Variants in NTHL1 observed in about 807,000 individuals in gnomAD.
NTHL1 encodes the protein endonuclease III-like protein 1.
Under a neutral mutation model 32.3 loss-of-function variants are expected in NTHL1, and 32 were observed. The ratio of observed to expected loss-of-function variants is 0.99; its 90% confidence interval spans 0.75 to 1.33. The LOEUF (loss-of-function observed/expected upper bound fraction) is 1.33. Among genes scored for constraint, NTHL1 ranks in the 40% most tolerant of loss-of-function variants. The pLI is 0.00. For missense variants in NTHL1, 501 were observed against 414.1 expected (o/e 1.21, Z -1.82); for synonymous variants, 188 against 176.9 (o/e 1.06, Z -0.50).
At position 2,043,893 on chromosome 16, in the gene NTHL1, G is replaced by A. The variant is rs2084304435; in HGVS notation, c.526-167C>T. The A allele has an allele frequency of 2.6e-6, 2 of 758,396 alleles. No homozygotes were observed. The highest frequency in any genetic ancestry group is 4.4e-5 in the Admixed American group (2 of 45,354). 47.0% of individuals were successfully genotyped at this position (758,396 alleles called of 1,614,324 possible). Reference sequence around the variant, plus strand: ...AGGCGGGAACAAGCGGAGGGCAGCAGGGAGGCCCAAGGTAGGCCTGACCCC... The same window carrying A: ...AGGCGGGAACAAGCGGAGGGCAGCAAGGAGGCCCAAGGTAGGCCTGACCCC... On this transcript the variant is annotated intron_variant, in intron 3 of 5. Coordinates refer to ENST00000651570, the MANE Select transcript of NTHL1 (RefSeq NM_002528.7). This position sits in a 1 kb window ranked among gnomAD's most constrained non-coding sequence, Gnocchi z 4.4.
At chr16:2,040,827 G>A (rs1422356421) in intron 4 of NTHL1, among the ~76,000 whole-genome samples, 2 of 152,182 alleles carry the variant, frequency 1.3e-5, no homozygotes, top group East Asian at 1.9e-4. Flanking sequence ...GTGGCCTGAG[G>A]CTCCTCTCGG....
In NTHL1 at chr16:2,044,939, G is replaced by C; in HGVS notation, c.355-139C>G. The C allele has an allele frequency of 1.0e-6, 1 of 965,928 alleles. No individual in the cohort carries two copies. The highest frequency in any genetic ancestry group is 1.6e-5 in the African/African-American group (1 of 60,914). The allele number at this position is 965,928 out of a possible 1,614,324, so 59.8% of individuals were successfully genotyped here. A position where few individuals can be genotyped will look rare whatever the true frequency, so the allele number is the denominator to read the frequency against. On this transcript the variant is annotated intron_variant, in intron 2 of 5. Coordinates refer to ENST00000651570, the MANE Select transcript of NTHL1 (RefSeq NM_002528.7). The surrounding 1 kb of genome is among the most constrained non-coding windows in gnomAD (Gnocchi z 5.0). The stretch of plus-strand genomic sequence containing the variant: ...GGCATCAGCCTCCCCCTGTGGGGTG[G>C]GGAGGTCTGGTTTGGGTATGTTTGG...
intron 4 of NTHL1, among the ~76,000 whole-genome samples, chr16:2,041,481 C>A (rs2084267963): frequency 6.6e-6 from 1 of 152,114 alleles, no homozygotes; most frequent in South Asian, 2.1e-4. Context: ...GCTCTGTCAC[C>A]CAGGCTGGAT....
chr16:2,047,395 G>T (rs913166417), intron 1 of NTHL1: 4 of 439,220 alleles, frequency 9.1e-6, no homozygotes, highest in African/African-American at 8.4e-5. Context: ...CAAGTTCACT[G>T]CAGGAGGGCG....
At chr16:2,040,270 C>T in intron 4 of NTHL1, 32 bp from the exon 5 acceptor site, 2 of 1,591,158 alleles carry the variant, frequency 1.3e-6, no homozygotes, top group Non-Finnish European at 1.7e-6. Context: ...TGAACAGGGG[C>T]ACACTCCACC....
chr16:2,044,495 G>A lies in NTHL1; in HGVS notation c.525+135C>T. On this transcript the variant is annotated intron_variant, in intron 3 of 5. Coordinates refer to ENST00000651570, the MANE Select transcript of NTHL1 (RefSeq NM_002528.7). The surrounding 1 kb of genome is among the most constrained non-coding windows in gnomAD (Gnocchi z 5.0). ...CAGGCCTCAGGGCCCCACGGCCTGG[G>A]GGGGGCTTCAGGGGGACCCCCCGAG... is the stretch of plus-strand genomic sequence containing the variant. 18 of 1,148,378 alleles carry A rather than the reference G, an allele frequency of 1.6e-5. No individual in the cohort carries two copies. Among genetic ancestry groups the A allele is most frequent in the East Asian group, 2.4e-5 (1 of 40,938 alleles). The allele number at this position is 1,148,378 out of a possible 1,614,324, so 71.1% of individuals were successfully genotyped here.
Position 2,043,288 on chromosome 16 carries a change from T to C in NTHL1, c.685+279A>G, listed in dbSNP as rs1176262415. Among the ~76,000 whole-genome samples, 1 of 151,812 alleles carries C rather than the reference T, an allele frequency of 6.6e-6. No homozygotes were observed. Among genetic ancestry groups the C allele is most frequent in the Non-Finnish European group, 1.5e-5 (1 of 67,974 alleles). ...GGTTTCCACTCCACGAGTGGGGAAT[T>C]CCTCGCTCCACATTTCTCCCGAATA... On this transcript the variant is annotated intron_variant, in intron 4 of 5. Coordinates refer to ENST00000651570, the MANE Select transcript of NTHL1 (RefSeq NM_002528.7). This position sits in a 1 kb window ranked among gnomAD's most constrained non-coding sequence, Gnocchi z 4.4.
chr16:2,043,049 G>A lies in NTHL1; in HGVS notation c.685+518C>T, dbSNP rs1355393707. Among the ~76,000 whole-genome samples the A allele has an allele frequency of 7.2e-6, 1 of 138,812 alleles. No homozygotes were observed. The highest frequency in any genetic ancestry group is 1.5e-5 in the Non-Finnish European group (1 of 65,020). The allele number at this position is 138,812 out of a possible 152,430, so 91.1% of individuals were successfully genotyped here. A position where few individuals can be genotyped will look rare whatever the true frequency, so the allele number is the denominator to read the frequency against. On this transcript the variant is annotated intron_variant, in intron 4 of 5. Coordinates refer to ENST00000651570, the MANE Select transcript of NTHL1 (RefSeq NM_002528.7). The surrounding 1 kb of genome is among the most constrained non-coding windows in gnomAD (Gnocchi z 4.4). ...TCCTCAGTCCTTACCTCCCCACTCTGCCCTCATCTCATTCCAGAACTTCCT... is the reference window on the plus strand; with the variant it reads ...TCCTCAGTCCTTACCTCCCCACTCTACCCTCATCTCATTCCAGAACTTCCT...
intron 4 of NTHL1, 196 bp from the exon 5 acceptor site, chr16:2,040,434 G>A: frequency 1.5e-6 from 1 of 648,232 alleles, no homozygotes; most frequent in South Asian, 1.7e-5. Flanking sequence ...TGAGCCCTCT[G>A]TTGGGGTGCA....
At chr16:2,045,062 C>T (rs749242610) in intron 2 of NTHL1, among the ~76,000 whole-genome samples, 1 of 152,184 alleles carries the variant, frequency 6.6e-6, no homozygotes, top group Non-Finnish European at 1.5e-5. Context: ...TGTGGCCGGG[C>T]GTGGTGGCTC....
rs763770399 is a variant in NTHL1, at chr16:2,040,042, A to T, written c.797T>A (p.Leu266Gln). The T allele has an allele frequency of 1.9e-6, 3 of 1,612,204 alleles. No homozygotes were observed. Among genetic ancestry groups the T allele is most frequent in the Non-Finnish European group, 2.5e-6 (3 of 1,179,980 alleles). Reference protein sequence around the residue: ...AALEEWLPRELWHEINGLLVG... With the variant: ...AALEEWLPREQWHEINGLLVG... ...CAAGAGTCCATTGATCTCGTGCCAC[A>T]GCTCCCTGTGGGGGTGGGGGCTGGG... The change falls in exon 6 of 6, where the codon CTG becomes CAG. Residue 266 changes from leucine (L) to glutamine (Q), a missense_variant. Transcript: ENST00000651570.
Position 2,039,830 on chromosome 16 carries a change from C to G in NTHL1, c.*94G>C, listed in dbSNP as rs1010966845. 23 of 1,567,096 alleles carry G rather than the reference C, an allele frequency of 1.5e-5. No homozygotes were observed. In the African/African-American group the frequency reaches 2.3e-4, roughly 16 times the overall value. On this transcript the variant is annotated 3_prime_UTR_variant, in exon 6 of 6. Coordinates refer to ENST00000651570, the MANE Select transcript of NTHL1 (RefSeq NM_002528.7). ...CAGCCAGATCCCATCTGCAAACACA[C>G]CAAAGCTTTATTCAACAGGCGTGGC...
In NTHL1 at chr16:2,044,487, C is replaced by T. The variant is rs994957905; in HGVS notation, c.525+143G>A. Reference sequence around the variant, plus strand: ...CTGGGCGTCAGGCCTCAGGGCCCCACGGCCTGGGGGGGGCTTCAGGGGGAC... The same window carrying T: ...CTGGGCGTCAGGCCTCAGGGCCCCATGGCCTGGGGGGGGCTTCAGGGGGAC... On this transcript the variant is annotated intron_variant, in intron 3 of 5. Transcript: ENST00000651570. This position sits in a 1 kb window ranked among gnomAD's most constrained non-coding sequence, Gnocchi z 5.0. The T allele has an allele frequency of 2.6e-5, 27 of 1,046,352 alleles. 1 individual carries two copies. In the African/African-American group the frequency reaches 3.0e-4, roughly 12 times the overall value. 64.8% of individuals were successfully genotyped at this position (1,046,352 alleles called of 1,614,324 possible). A position where few individuals can be genotyped will look rare whatever the true frequency, so the allele number is the denominator to read the frequency against.
chr16:2,040,618 G>A lies in NTHL1; in HGVS notation c.686-380C>T, dbSNP rs952019004. On this transcript the variant is annotated intron_variant, in intron 4 of 5. Transcript: ENST00000651570. The stretch of plus-strand genomic sequence containing the variant: ...TTCCCCACAATAACAGCGACAGCTC[G>A]CTTGGACAAACGCTTGCTGGGGGCC... The A allele has an allele frequency of 2.5e-4, 96 of 382,136 alleles. 1 individual carries two copies. Among genetic ancestry groups the A allele is most frequent in the Admixed American group, 4.1e-4 (11 of 26,950 alleles). The allele number at this position is 382,136 out of a possible 1,614,324, so 23.7% of individuals were successfully genotyped here.
rs971355276 is a variant in NTHL1 at position 2,043,002 on chromosome 16, A to C, written c.685+565T>G. Reference sequence around the variant, plus strand: ...ACCTCCCTCCCCACCCCACCTGCTGAGGGGATACTCTTCCTCCTCCCTCCT... The same window carrying C: ...ACCTCCCTCCCCACCCCACCTGCTGCGGGGATACTCTTCCTCCTCCCTCCT... On this transcript the variant is annotated intron_variant, in intron 4 of 5. Coordinates refer to ENST00000651570, the MANE Select transcript of NTHL1 (RefSeq NM_002528.7). This position sits in a 1 kb window ranked among gnomAD's most constrained non-coding sequence, Gnocchi z 4.4. 8.5e-6 allele frequency among the ~76,000 whole-genome samples: 1 copy of C among 117,022 alleles called. No individual in the cohort carries two copies. Among genetic ancestry groups the C allele is most frequent in the Admixed American group, 9.4e-5 (1 of 10,694 alleles). 76.8% of individuals were successfully genotyped at this position (117,022 alleles called of 152,430 possible).
At position 2,043,590 on chromosome 16, in the gene NTHL1, G is replaced by A. The variant is rs2150941182; in HGVS notation, c.662C>T (p.Ala221Val). The change falls in exon 4 of 6, where the codon GCC becomes GTC. Residue 221 changes from alanine (A) to valine (V), a missense_variant. Transcript: ENST00000651570. This position sits in a 1 kb window ranked among gnomAD's most constrained non-coding sequence, Gnocchi z 4.4. ...PKMAHLAMAVAWGTVSGIAVD... is the reference protein window; with the variant it reads ...PKMAHLAMAVVWGTVSGIAVD... ...ACCAATGCCTGACACAGTGCCCCAG[G>A]CCACAGCCATAGCCAGGTGTGCCAT... 2 of 1,608,854 alleles carry A rather than the reference G, an allele frequency of 1.2e-6. No individual in the cohort carries two copies. Among genetic ancestry groups the A allele is most frequent in the Non-Finnish European group, 8.5e-7 (1 of 1,179,962 alleles).
chr16:2,047,419 C>A, intron 1 of NTHL1: 1 of 494,760 alleles, frequency 2.0e-6, no homozygotes, highest in Non-Finnish European at 3.5e-6. Context: ...ATGGGACCCA[C>A]AGAGCCTGGA....
rs1205894833 is a variant in NTHL1, at chr16:2,044,847, A to AT, written c.355-48dup. The AT allele has an allele frequency of 1.3e-6, 2 of 1,532,400 alleles. No homozygotes were observed. The highest frequency in any genetic ancestry group is 2.4e-5 in the South Asian group (2 of 83,556). The allele number at this position is 1,532,400 out of a possible 1,614,324, so 94.9% of individuals were successfully genotyped here. ...CCGGGGTGGCGGCGGGTCCTGGGTG[A>AT]TTCCCTGGCCAGGCTCCGCCCCCCG... On this transcript the variant is annotated intron_variant, in intron 2 of 5. Coordinates refer to ENST00000651570, the MANE Select transcript of NTHL1 (RefSeq NM_002528.7). The surrounding 1 kb of genome is among the most constrained non-coding windows in gnomAD (Gnocchi z 5.0).
chr16:2,044,724 T>C lies in NTHL1; in HGVS notation c.431A>G (p.Gln144Arg), dbSNP rs1379407122. ...TKDQVTAGAM[Q>R]RLRARGLTVD... ...CGTCAGGCCCCGCGCCCGCAGTCGC[T>C]GCATGGCGCCCGCCGTCACCTGGTC... Residue 144 changes from glutamine (Q) to arginine (R), a missense_variant, in exon 3 of 6, where the codon CAG (glutamine) becomes CGG (arginine). Gln to Arg is a conservative substitution (Grantham distance 43). Coordinates refer to ENST00000651570, the MANE Select transcript of NTHL1 (RefSeq NM_002528.7). The surrounding 1 kb of genome is among the most constrained non-coding windows in gnomAD (Gnocchi z 5.0). 2.5e-6 allele frequency: 4 copies of C among 1,611,906 alleles called. No homozygotes were observed. The highest frequency in any genetic ancestry group is 2.5e-6 in the Non-Finnish European group (3 of 1,179,640).
Sources: gnomAD v4.1 joint callset for allele counts (sites outside exome capture counted in the v4.1 genomes callset) on GRCh38, gnomAD v4.1.1 for gene constraint, Gnocchi (gnomAD v3.1) non-coding constraint, MANE v1.5 for transcripts, NCBI Gene and HGNC (gene_info 2026-07-23, HGNC 2026-07-21) for gene names.